Variants in MARCHF1 observed in about 807,000 individuals in gnomAD.
MARCHF1 encodes E3 ubiquitin-protein ligase MARCHF1.
A neutral mutation model predicts 54.2 loss-of-function variants in MARCHF1; 40 were observed. That is an observed-to-expected ratio of 0.74 (90% CI 0.57 to 0.96). MARCHF1 has a LOEUF of 0.96. Among genes scored for constraint, MARCHF1 ranks in the 40% least tolerant of loss-of-function variants. MARCHF1 has a pLI of 0.00. For synonymous variants in MARCHF1, 236 were observed against 236.3 expected (o/e 1.00, Z 0.01); for missense variants, 586 against 656.5 (o/e 0.89, Z 1.17).
chr4:163,948,228 T>C lies in MARCHF1; in HGVS notation c.-39+40273A>G, dbSNP rs183502259. Reference sequence around the variant, plus strand: ...CATGGTATACTTTACGTTTCAATGGTTCACTAGTCAAATCAGGTAATATCA... The same window carrying C: ...CATGGTATACTTTACGTTTCAATGGCTCACTAGTCAAATCAGGTAATATCA... On this transcript the variant is annotated intron_variant, in intron 3 of 9. Coordinates refer to ENST00000514618, the MANE Select transcript of MARCHF1 (RefSeq NM_001394959.1). Among the ~76,000 whole-genome samples the C allele has an allele frequency of 2.0e-5, 3 of 152,346 alleles. No individual in the cohort carries two copies. In the East Asian group the frequency reaches 5.8e-4, roughly 29 times the overall value.
intron 1 of MARCHF1, among the ~76,000 whole-genome samples, chr4:164,291,372 T>G (rs981238359): frequency 1.3e-5 from 2 of 151,998 alleles, no homozygotes; most frequent in Non-Finnish European, 2.9e-5. Context: ...TTCTTTAAAC[T>G]AACAGTTTGC....
chr4:164,048,341 T>C (rs944550368), intron 2 of MARCHF1, among the ~76,000 whole-genome samples: 2 of 152,122 alleles, frequency 1.3e-5, no homozygotes. Context: ...CTGAAGCAAA[T>C]TGGACTGATT....
At chr4:164,166,668 A>G (rs58795626) in intron 1 of MARCHF1, among the ~76,000 whole-genome samples, 55,898 of 151,668 alleles carry the variant, frequency 0.37, 12,102 homozygotes, top group Non-Finnish European at 0.49. Context: ...CAAGAAAAAG[A>G]AATAAAAAGC....
At chr4:163,544,983 T>C (rs1738849024) in intron 9 of MARCHF1, among the ~76,000 whole-genome samples, 1 of 152,182 alleles carries the variant, frequency 6.6e-6, no homozygotes, top group African/African-American at 2.4e-5. Flanking sequence ...TTATAGACAT[T>C]GTGCTTTCTC....
intron 1 of MARCHF1, among the ~76,000 whole-genome samples, chr4:164,196,696 A>G (rs1731269636): frequency 6.6e-6 from 1 of 152,160 alleles, no homozygotes; most frequent in Non-Finnish European, 1.5e-5. Context: ...AAAAATAAAA[A>G]GAGAGAGAGA....
intron 5 of MARCHF1, among the ~76,000 whole-genome samples, chr4:163,683,673 T>A (rs1480543986): frequency 6.6e-6 from 1 of 152,196 alleles, no homozygotes; most frequent in Non-Finnish European, 1.5e-5. Flanking sequence ...GTCTTCCTGC[T>A]GGGGTAAAGG....
intron 8 of MARCHF1, among the ~76,000 whole-genome samples, chr4:163,547,196 ACTCT>A (rs978411807): frequency 3.0e-4 from 45 of 152,058 alleles, no homozygotes; most frequent in African/African-American, 1.1e-3. Context: ...AAAATCATGT[ACTCT>A]CTCTGGGCCT....
chr4:164,135,983 G>A (rs1450241927), intron 1 of MARCHF1, among the ~76,000 whole-genome samples: 1 of 151,836 alleles, frequency 6.6e-6, no homozygotes. Flanking sequence ...GAAACTTTAG[G>A]TAAGAAAGAC....
intron 7 of MARCHF1, among the ~76,000 whole-genome samples, chr4:163,589,287 T>C (rs950177319): frequency 1.4e-4 from 22 of 152,134 alleles, no homozygotes; most frequent in Non-Finnish European, 4.4e-5. Flanking sequence ...CAGCTTCTTA[T>C]GTCTCATAAA....
chr4:164,007,300 C>T (rs527293609), intron 2 of MARCHF1, among the ~76,000 whole-genome samples: 32 of 128,470 alleles, frequency 2.5e-4, no homozygotes, highest in African/African-American at 9.4e-4. Flanking sequence ...GAGCTGAGAT[C>T]GTGCTACTGC....
chr4:163,930,403 G>A (rs1176483608), intron 3 of MARCHF1, among the ~76,000 whole-genome samples: 13 of 151,836 alleles, frequency 8.6e-5, no homozygotes, highest in African/African-American at 3.1e-4. Flanking sequence ...CTTTGGGGAA[G>A]GCATGAGGTC....
rs1024299895 is a variant in MARCHF1, at chr4:164,042,300, A to C, written c.-247-53591T>G. On this transcript the variant is annotated intron_variant, in intron 2 of 9. Coordinates refer to ENST00000514618, the MANE Select transcript of MARCHF1 (RefSeq NM_001394959.1). ...ACTTGAGACTGAGTAATGTATGAAA[A>C]AAGAGGTTTAACTGACTCACAGTTC... 1.9e-4 allele frequency among the ~76,000 whole-genome samples: 29 copies of C among 152,140 alleles called. 1 individual carries two copies. The highest frequency in any genetic ancestry group is 8.8e-5 in the Non-Finnish European group (6 of 68,028).
chr4:164,225,784 C>CT (rs1732235668), intron 1 of MARCHF1, among the ~76,000 whole-genome samples: 1 of 151,976 alleles, frequency 6.6e-6, no homozygotes, highest in Non-Finnish European at 1.5e-5. Context: ...TTGGCAGTTT[C>CT]TTTTTAATTA....
At chr4:164,036,919 T>C (rs1187479135) in intron 2 of MARCHF1, among the ~76,000 whole-genome samples, 1 of 152,222 alleles carries the variant, frequency 6.6e-6, no homozygotes, top group Non-Finnish European at 1.5e-5. Flanking sequence ...TTATCTCTAG[T>C]AAACAGATAT....
intron 2 of MARCHF1, among the ~76,000 whole-genome samples, chr4:164,005,677 G>C (rs1753271146): frequency 6.6e-6 from 1 of 152,086 alleles, no homozygotes; most frequent in African/African-American, 2.4e-5. Flanking sequence ...TATTTCTGAG[G>C]ACAGTTAGAG....
chr4:163,649,765 C>G (rs907244454), intron 5 of MARCHF1, among the ~76,000 whole-genome samples: 1 of 150,942 alleles, frequency 6.6e-6, no homozygotes, highest in African/African-American at 2.4e-5. Context: ...ATGCCTGGTT[C>G]TGTCATTGTG....
chr4:164,220,584 G>GC (rs1339633816), intron 1 of MARCHF1, among the ~76,000 whole-genome samples: 2 of 118,950 alleles, frequency 1.7e-5, no homozygotes, highest in African/African-American at 6.4e-5. Context: ...TAATACATAT[G>GC]ATATATGTAT....
chr4:163,761,456 G>A (rs908754748), intron 4 of MARCHF1, among the ~76,000 whole-genome samples: 1 of 152,194 alleles, frequency 6.6e-6, no homozygotes, highest in Non-Finnish European at 1.5e-5. Context: ...TGTAGAAGCT[G>A]AGGTCCATTG....
At chr4:163,808,854 C>T (rs1748302758) in intron 4 of MARCHF1, among the ~76,000 whole-genome samples, 1 of 152,168 alleles carries the variant, frequency 6.6e-6, no homozygotes. Flanking sequence ...CAGGTCTGAG[C>T]CACCGTGCCC....
Sources: gnomAD v4.1 joint callset for allele counts (sites outside exome capture counted in the v4.1 genomes callset) on GRCh38, gnomAD v4.1.1 for gene constraint, MANE v1.5 for transcripts, NCBI Gene and HGNC (gene_info 2026-07-23, HGNC 2026-07-21) for gene names.